CNTNAP3B: variants seen among roughly 807,000 people sequenced by gnomAD.
The protein encoded by CNTNAP3B is contactin associated protein family member 3B.
Under a neutral mutation model 108.9 loss-of-function variants are expected in CNTNAP3B, and 25 were observed. That is an observed-to-expected ratio of 0.23 (90% CI 0.17 to 0.32). CNTNAP3B has a LOEUF of 0.32. Among genes scored for constraint, CNTNAP3B ranks in the 10% least tolerant of loss-of-function variants. CNTNAP3B has a pLI of 1.00. For missense variants in CNTNAP3B, 252 were observed against 1,210.4 expected (o/e 0.21, Z 11.75); for synonymous variants, 103 against 473.4 (o/e 0.22, Z 10.16).
intron 14 of CNTNAP3B, among the ~76,000 whole-genome samples, chr9:41,929,915 G>T (rs1245103408): frequency 6.6e-6 from 1 of 151,932 alleles, no homozygotes; most frequent in East Asian, 1.9e-4. Flanking sequence ...TTCCTGACCC[G>T]TTTGCCAATT....
intron 12 of CNTNAP3B, among the ~76,000 whole-genome samples, chr9:41,958,209 G>T (rs1338062951): frequency 2.6e-5 from 4 of 152,282 alleles, no homozygotes; most frequent in African/African-American, 4.8e-5. Flanking sequence ...CCAGGCTCAA[G>T]CGATCCTCCC....
intron 3 of CNTNAP3B, among the ~76,000 whole-genome samples, chr9:42,063,832 C>T (rs1827216349): frequency 6.7e-6 from 1 of 149,694 alleles, no homozygotes; most frequent in African/African-American, 2.5e-5. Flanking sequence ...AGCGACTCTC[C>T]CACCTCGGCC....
chr9:41,941,255 A>G (rs998712243), intron 13 of CNTNAP3B, among the ~76,000 whole-genome samples: 8 of 150,212 alleles, frequency 5.3e-5, no homozygotes, highest in African/African-American at 2.0e-4. Context: ...AACAAAAGTT[A>G]GATGCTGGCA....
chr9:42,120,835 G>T (rs1352331157), intron 1 of CNTNAP3B, among the ~76,000 whole-genome samples: 1 of 87,734 alleles, frequency 1.1e-5, no homozygotes. Flanking sequence ...GGTGGGGGGA[G>T]GGGGGAGGGA....
In CNTNAP3B at chr9:42,078,422, A is replaced by G. The variant is rs576776402; in HGVS notation, c.197-1360T>C. 1.9e-3 allele frequency among the ~76,000 whole-genome samples: 267 copies of G among 140,134 alleles called. 17 individuals carry two copies. Among genetic ancestry groups the G allele is most frequent in the Admixed American group, 3.9e-3 (55 of 14,038 alleles). 91.9% of individuals were successfully genotyped at this position (140,134 alleles called of 152,430 possible). ...TTGTTCAAAAATATTTTTTCCTCTG[A>G]ATGTACGATAAGCACCTCTAAAGTT... On this transcript the variant is annotated intron_variant, in intron 2 of 23. Coordinates refer to ENST00000377561, the MANE Select transcript of CNTNAP3B (RefSeq NM_001201380.3).
Position 41,931,491 on chromosome 9 carries a change from A to C in CNTNAP3B, c.2238-2047T>G, listed in dbSNP as rs1414420950. 4.6e-5 allele frequency among the ~76,000 whole-genome samples: 7 copies of C among 152,410 alleles called. No homozygotes were observed. The East Asian group carries it at 1.3e-3, about 29-fold the overall frequency. On this transcript the variant is annotated intron_variant, in intron 14 of 23. Coordinates refer to ENST00000377561, the MANE Select transcript of CNTNAP3B (RefSeq NM_001201380.3). ...TAGGTATCAAACTTTCAAATTGGAA[A>C]ATATAAAACTAAAATAAAATGGCTA...
intron 11 of CNTNAP3B, among the ~76,000 whole-genome samples, chr9:41,962,060 A>G (rs1301800058): frequency 6.6e-6 from 1 of 152,286 alleles, no homozygotes; most frequent in African/African-American, 2.4e-5. Context: ...CTTGTGCTTT[A>G]TGTGAACTGT....
chr9:41,934,100 C>CATACATATATATATATATATAT, intron 14 of CNTNAP3B, among the ~76,000 whole-genome samples: 1 of 90,212 alleles, frequency 1.1e-5, no homozygotes, highest in Middle Eastern at 5.5e-3. Context: ...ATATTTGTTA[C>CATACATATATATATATATATAT]ATATATATAT....
In CNTNAP3B at chr9:42,126,865, C is replaced by T. The variant is rs531159649; in HGVS notation, c.85+2145G>A. On this transcript the variant is annotated intron_variant, in intron 1 of 23. Transcript: ENST00000377561. Reference sequence around the variant, plus strand: ...GATTACAGACACGAGCCACTGTGCCCGGCCTAGAGAGCTCTTCCCATGAAG... The same window carrying T: ...GATTACAGACACGAGCCACTGTGCCTGGCCTAGAGAGCTCTTCCCATGAAG... Among the ~76,000 whole-genome samples the T allele has an allele frequency of 7.0e-4, 98 of 139,272 alleles. 12 individuals carry two copies. Among genetic ancestry groups the T allele is most frequent in the Non-Finnish European group, 1.1e-3 (71 of 64,916 alleles). The allele number at this position is 139,272 out of a possible 152,430, so 91.4% of individuals were successfully genotyped here.
chr9:42,029,675 C>A (rs1826477139), intron 3 of CNTNAP3B, among the ~76,000 whole-genome samples: 3 of 125,236 alleles, frequency 2.4e-5, no homozygotes, highest in South Asian at 2.7e-4. Context: ...GGACTACAGG[C>A]ACATGCCACT....
chr9:42,059,927 A>T (rs146161673), intron 3 of CNTNAP3B, among the ~76,000 whole-genome samples: 7 of 136,502 alleles, frequency 5.1e-5, no homozygotes, highest in African/African-American at 2.0e-4. Context: ...TTTTTGTTGA[A>T]GTCTTTAGGG....
chr9:41,915,989 T>C (rs1370993450), intron 18 of CNTNAP3B, among the ~76,000 whole-genome samples: 3 of 151,546 alleles, frequency 2.0e-5, no homozygotes, highest in Non-Finnish European at 3.0e-5. Flanking sequence ...AAAAGTTATT[T>C]CTACATAGCT....
intron 3 of CNTNAP3B, among the ~76,000 whole-genome samples, chr9:42,019,720 CA>C (rs1826274746): frequency 6.8e-6 from 1 of 146,118 alleles, no homozygotes; most frequent in African/African-American, 2.6e-5. Context: ...AAGATTGCAC[CA>C]CTGCACTCCA....
chr9:42,120,643 TA>T (rs1828440914), intron 1 of CNTNAP3B, among the ~76,000 whole-genome samples: 1 of 137,094 alleles, frequency 7.3e-6, no homozygotes. Flanking sequence ...TATGCAGCCA[TA>T]AAAAATGATG....
chr9:42,094,559 G>A lies in CNTNAP3B; in HGVS notation c.196+10070C>T, dbSNP rs1174245476. 1.5e-5 allele frequency among the ~76,000 whole-genome samples: 2 copies of A among 131,738 alleles called. 1 individual carries two copies. The highest frequency in any genetic ancestry group is 6.2e-5 in the African/African-American group (2 of 32,302). The allele number at this position is 131,738 out of a possible 152,430, so 86.4% of individuals were successfully genotyped here. A position where few individuals can be genotyped will look rare whatever the true frequency, so the allele number is the denominator to read the frequency against. On this transcript the variant is annotated intron_variant, in intron 2 of 23. Coordinates refer to ENST00000377561, the MANE Select transcript of CNTNAP3B (RefSeq NM_001201380.3). ...GGTCCCAGCTACTCGGGAGGCTGAG[G>A]TGGGAGGATCACCTGAGCCCACGGA...
At chr9:41,962,996 A>G (rs1175631942) in intron 11 of CNTNAP3B, among the ~76,000 whole-genome samples, 1 of 152,118 alleles carries the variant, frequency 6.6e-6, no homozygotes, top group African/African-American at 2.4e-5. Context: ...AAAATGTGTC[A>G]CAGCTTTATA....
At chr9:41,964,759 C>T (rs529556018) in intron 10 of CNTNAP3B, 115 bp from the exon 11 acceptor site, 142 of 1,360,168 alleles carry the variant, frequency 1.0e-4, no homozygotes, top group Admixed American at 5.3e-4. Flanking sequence ...CCCCACATGA[C>T]GTGATTACTG....
chr9:42,042,458 T>C (rs1826780385), intron 3 of CNTNAP3B, among the ~76,000 whole-genome samples: 1 of 141,796 alleles, frequency 7.1e-6, no homozygotes, highest in African/African-American at 2.8e-5. Context: ...GGTTCTGCAC[T>C]CATGAATCCA....
chr9:41,925,491 G>T (rs1823791037), intron 15 of CNTNAP3B, among the ~76,000 whole-genome samples: 1 of 152,264 alleles, frequency 6.6e-6, no homozygotes, highest in Non-Finnish European at 1.5e-5. Flanking sequence ...TAGTCGGGAG[G>T]CTGAGGCAGG....
Sources: allele counts gnomAD v4.1 joint callset (sites outside exome capture counted in the v4.1 genomes callset), GRCh38; gene constraint gnomAD v4.1.1; transcripts MANE v1.5; gene names NCBI Gene and HGNC (gene_info 2026-07-23, HGNC 2026-07-21).